FBXL5: variants seen among roughly 807,000 people sequenced by gnomAD.
FBXL5 encodes the protein F-box/LRR-repeat protein 5.
In FBXL5, 26 loss-of-function variants were observed where a neutral mutation model predicts 78.3. That is an observed-to-expected ratio of 0.33 (90% CI 0.24 to 0.46). The LOEUF (loss-of-function observed/expected upper bound fraction) is 0.46. Ranked by LOEUF, FBXL5 falls within the 20% of genes least tolerant of loss-of-function variation. FBXL5 has a pLI of 1.00. For synonymous variants in FBXL5, 295 were observed against 282.5 expected, an observed-to-expected ratio of 1.04 and a Z score of -0.45; for missense variants, 710 against 829.2, an observed-to-expected ratio of 0.86 and a Z score of 1.77.
At chr4:15,608,410 C>T (rs566773237) in intron 10 of FBXL5, among the ~76,000 whole-genome samples, 143 of 152,002 alleles carry the variant, frequency 9.4e-4, no homozygotes, top group Non-Finnish European at 1.8e-3. Context: ...CATTATGCTC[C>T]TGAAGTCTAA....
upstream of FBXL5, among the ~76,000 whole-genome samples, chr4:15,655,708 C>T (rs537135835): frequency 5.9e-4 from 90 of 152,352 alleles, no homozygotes; most frequent in African/African-American, 2.1e-3. Context: ...GCACAATGGC[C>T]GCGGTCAGGG....
intron 1 of FBXL5, among the ~76,000 whole-genome samples, chr4:15,679,738 A>G (rs1391595180): frequency 6.6e-6 from 1 of 151,804 alleles, no homozygotes; most frequent in Non-Finnish European, 1.5e-5. Flanking sequence ...AAAAATCCCA[A>G]TTATATTCCT....
upstream of FBXL5, among the ~76,000 whole-genome samples, chr4:15,663,872 C>A (rs1310267856): frequency 6.6e-6 from 1 of 152,180 alleles, no homozygotes; most frequent in Non-Finnish European, 1.5e-5. Context: ...TGTTCATTGA[C>A]TTACCCTGGC....
chr4:15,627,002 T>C, intron 7 of FBXL5, 47 bp from the exon 8 acceptor site: 1 of 1,241,354 alleles, frequency 8.1e-7, no homozygotes, highest in South Asian at 1.3e-5. Flanking sequence ...GAACTTCAGT[T>C]AGCTAAGTAA....
At chr4:15,626,768 T>G in intron 8 of FBXL5, 105 bp downstream of exon 8, 6 of 807,970 alleles carry the variant, frequency 7.4e-6, no homozygotes, top group Non-Finnish European at 9.7e-6. Context: ...CAGACATGAC[T>G]GAGATTTGAT....
intron 1 of FBXL5, among the ~76,000 whole-genome samples, chr4:15,649,356 G>A (rs942122249): frequency 6.6e-6 from 1 of 152,008 alleles, no homozygotes; most frequent in African/African-American, 2.4e-5. Flanking sequence ...GAGGCAGGCG[G>A]ATCACAAGGT....
At chr4:15,632,271 A>G (rs1560224799) in intron 5 of FBXL5, among the ~76,000 whole-genome samples, 1 of 152,020 alleles carries the variant, frequency 6.6e-6, no homozygotes, top group Non-Finnish European at 1.5e-5. Flanking sequence ...CCATTGGTCT[A>G]TATCTCTGTT....
chr4:15,640,922 C>A, intron 2 of FBXL5, 39 bp from the exon 3 acceptor site: 3 of 1,155,078 alleles, frequency 2.6e-6, no homozygotes, highest in Admixed American at 2.7e-5. Flanking sequence ...ATAAAAGTTT[C>A]GCTTCATTAA....
rs756613157 is a variant in FBXL5, at chr4:15,646,461, GA to G, written c.85-1754del. On this transcript the variant is annotated intron_variant, in intron 1 of 10. Coordinates refer to ENST00000341285, the MANE Select transcript of FBXL5 (RefSeq NM_012161.4). ...AAACACTATCATGTATCATTTTTTG[GA>G]AAAAAAAAAAAAGGCAAACTTAAAA... is the stretch of plus-strand genomic sequence containing the variant. 5.3e-3 allele frequency among the ~76,000 whole-genome samples: 703 copies of G among 132,868 alleles called. 5 individuals are homozygous for G. The highest frequency in any genetic ancestry group is 0.016 in the African/African-American group (577 of 36,036). The allele number at this position is 132,868 out of a possible 152,430, so 87.2% of individuals were successfully genotyped here. A position where few individuals can be genotyped will look rare whatever the true frequency, so the allele number is the denominator to read the frequency against.
intron 1 of FBXL5, among the ~76,000 whole-genome samples, chr4:15,672,345 A>T (rs1717803392): frequency 6.6e-6 from 1 of 152,218 alleles, no homozygotes; most frequent in Non-Finnish European, 1.5e-5. Flanking sequence ...TTAATGACAG[A>T]GATATGTTCT....
intron 5 of FBXL5, among the ~76,000 whole-genome samples, chr4:15,633,007 GTTTTTGCCCAGGCAATGGGCAAT>G (rs1197134325): frequency 6.6e-6 from 1 of 152,270 alleles, no homozygotes; most frequent in East Asian, 1.9e-4. Flanking sequence ...AATGCTTCCA[GTTTTTGCCCAGGCAATGGGCAAT>G]TTTTTAGAAA....
At position 15,676,079 on chromosome 4, in the gene FBXL5, C is replaced by T. The variant is rs148794798; in HGVS notation, c.-284+5304G>A. Among the ~76,000 whole-genome samples, 378 of 152,278 alleles carry T rather than the reference C, an allele frequency of 2.5e-3. 2 individuals are homozygous for T. Among genetic ancestry groups the T allele is most frequent in the African/African-American group, 8.7e-3 (363 of 41,550 alleles). Reference sequence around the variant, plus strand: ...CTTAACTTTCTGGATCTTAGCTTCTCCATCTAAAACCAGAAAGGAGGTTAG... The same window carrying T: ...CTTAACTTTCTGGATCTTAGCTTCTTCATCTAAAACCAGAAAGGAGGTTAG... On this transcript the variant is annotated intron_variant, in intron 1 of 4. Coordinates refer to the FBXL5 transcript ENST00000507899.
intron 1 of FBXL5, among the ~76,000 whole-genome samples, chr4:15,648,184 A>G (rs1289877520): frequency 6.6e-6 from 1 of 152,236 alleles, no homozygotes; most frequent in Admixed American, 6.5e-5. Flanking sequence ...AAGTTAATAT[A>G]AAGAACACAG....
At chr4:15,658,630 G>A (rs1389896036), upstream of FBXL5, among the ~76,000 whole-genome samples, 1 of 152,098 alleles carries the variant, frequency 6.6e-6, no homozygotes. Context: ...CCAGAAAAAA[G>A]GCCCTCATCA....
intron 1 of FBXL5, among the ~76,000 whole-genome samples, chr4:15,646,935 G>C (rs1456444686): frequency 6.6e-6 from 1 of 151,822 alleles, no homozygotes; most frequent in Non-Finnish European, 1.5e-5. Flanking sequence ...ACTGTGGATT[G>C]AAAAAGGCTG....
At chr4:15,643,432 T>C (rs557758768) in intron 2 of FBXL5, among the ~76,000 whole-genome samples, 1 of 152,364 alleles carries the variant, frequency 6.6e-6, no homozygotes, top group East Asian at 1.9e-4. Flanking sequence ...GTAAATGTAA[T>C]TAAGAAGAAA....
intron 1 of FBXL5, among the ~76,000 whole-genome samples, chr4:15,675,556 C>T (rs1417023151): frequency 6.7e-6 from 1 of 149,420 alleles, no homozygotes; most frequent in Non-Finnish European, 1.5e-5. Context: ...CTTAACTTCT[C>T]GGTCACAAAA....
chr4:15,655,137 C>T (rs1716715949), intron 1 of FBXL5, 67 bp downstream of exon 1: 1 of 1,254,818 alleles, frequency 8.0e-7, no homozygotes, highest in Admixed American at 2.7e-5. Context: ...CAGGCCGCCC[C>T]AAGAACCCAG....
Position 15,617,452 on chromosome 4 carries a change from A to G in FBXL5, c.1851-5038T>C, listed in dbSNP as rs1226026052. 2.0e-5 allele frequency among the ~76,000 whole-genome samples: 3 copies of G among 151,874 alleles called. No individual in the cohort carries two copies. The South Asian group carries it at 6.2e-4, about 32-fold the overall frequency. On this transcript the variant is annotated intron_variant, in intron 9 of 10. Transcript: ENST00000341285. ...AGTCCCAGCTACTCTGGAGGCTAAG[A>G]CAGGAGAATCACCTGAACCTGTGAG... is the stretch of plus-strand genomic sequence containing the variant.
Sources: allele counts gnomAD v4.1 joint callset (sites outside exome capture counted in the v4.1 genomes callset), GRCh38; gene constraint gnomAD v4.1.1; transcripts MANE v1.5; gene names NCBI Gene and HGNC (gene_info 2026-07-23, HGNC 2026-07-21).